SYTL2: variants seen among roughly 807,000 people sequenced by gnomAD.
SYTL2 encodes synaptotagmin like 2.
SYTL2 carries 165 observed loss-of-function variants against 198.7 expected under a neutral mutation model. The ratio of observed to expected loss-of-function variants is 0.83; its 90% CI spans 0.73 to 0.94. The LOEUF (loss-of-function observed/expected upper bound fraction) is 0.94, where lower values mean the gene tolerates loss of function less well. Ranked by LOEUF, SYTL2 falls within the 40% of genes least tolerant of loss-of-function variation. The pLI is 0.00. For synonymous variants in SYTL2, 966 were observed against 917.7 expected (o/e 1.05, Z -0.95); for missense variants, 2,835 against 2,582.8 (o/e 1.10, Z -2.12).
At chr11:85,733,416 T>C (rs2089998782) in intron 7 of SYTL2, among the ~76,000 whole-genome samples, 1 of 152,162 alleles carries the variant, frequency 6.6e-6, no homozygotes, top group Admixed American at 6.5e-5. Flanking sequence ...CCAGAAACTG[T>C]GCTATCCTGG....
At chr11:85,789,577 T>C (rs569444134) in intron 1 of SYTL2, among the ~76,000 whole-genome samples, 1 of 151,352 alleles carries the variant, frequency 6.6e-6, no homozygotes, top group South Asian at 2.1e-4. Flanking sequence ...ATTCTCTTCC[T>C]TTTTGATACA....
intron 14 of SYTL2, 98 bp from the exon 15 acceptor site, chr11:85,707,629 T>C: frequency 1.3e-6 from 1 of 794,088 alleles, no homozygotes; most frequent in South Asian, 1.6e-5. Flanking sequence ...GCAGAAATAA[T>C]TATTTCATGA....
the SYTL2 span, among the ~76,000 whole-genome samples, chr11:85,834,467 T>A: frequency 2.3e-4 from 35 of 152,252 alleles, no homozygotes; most frequent in African/African-American, 8.2e-4. Context: ...AAAGCCCTTA[T>A]CTTAAAATGT....
At chr11:85,848,231 C>G in the SYTL2 span, among the ~76,000 whole-genome samples, 5 of 150,758 alleles carry the variant, frequency 3.3e-5, no homozygotes, top group South Asian at 1.1e-3. Context: ...AGAGCAAGAC[C>G]CTGACTCAAA....
At chr11:85,745,561 C>A in intron 4 of SYTL2, 76 bp downstream of exon 4, 1 of 1,517,912 alleles carries the variant, frequency 6.6e-7, no homozygotes, top group African/African-American at 1.4e-5. Context: ...GTACTCATAG[C>A]CTGCCATTCT....
intron 13 of SYTL2, among the ~76,000 whole-genome samples, 178 bp downstream of exon 13, chr11:85,710,935 C>T (rs2086150560): frequency 6.6e-6 from 1 of 151,846 alleles, no homozygotes; most frequent in Non-Finnish European, 1.5e-5. Flanking sequence ...TGGATATGAA[C>T]CCCGTTAGTC....
In SYTL2 at chr11:85,724,972, G is replaced by A; in HGVS notation, c.4386C>T (p.Ser1462=). Residue 1462 remains serine, a synonymous_variant, in exon 8 of 20, where the codon AGC becomes AGT. Coordinates refer to ENST00000359152, the MANE Select transcript of SYTL2 (RefSeq NM_206927.4). Reference sequence around the variant, plus strand: ...ATTGAGCAACAATGGAAGCAAATGAGCTAAGCGTCTGGTCTGATGGAGACA... The same window carrying A: ...ATTGAGCAACAATGGAAGCAAATGAACTAAGCGTCTGGTCTGATGGAGACA... The part of the protein sequence containing the change: ...AQMSPSDQTL[S]SFASIVAQYG... 6.2e-7 allele frequency: 1 copy of A among 1,613,802 alleles called. No homozygotes were observed. Among genetic ancestry groups the A allele is most frequent in the Non-Finnish European group, 8.5e-7 (1 of 1,179,846 alleles).
Position 85,707,459 on chromosome 11 carries a change from G to A in SYTL2, c.5988C>T (p.Thr1996=). The change falls in exon 15 of 20, where the codon ACC becomes ACT. Residue 1996 remains threonine (T), a synonymous_variant. Transcript: ENST00000359152. ...GTATTTCGTTATACACAGGATTCAA[G>A]GTTTTCTTCACTACGAGTGTTTTCT... The part of the protein sequence containing the change: ...GKKKTLVVKK[T]LNPVYNEILR... The A allele has an allele frequency of 6.2e-7, 1 of 1,613,838 alleles. No homozygotes were observed.
chr11:85,842,630 T>G, the SYTL2 span, among the ~76,000 whole-genome samples: 41 of 152,334 alleles, frequency 2.7e-4, no homozygotes, highest in South Asian at 1.0e-3. Flanking sequence ...AGGGTGTTTT[T>G]GGGGGAACCC....
At chr11:85,810,069 G>A (rs1378235857) in intron 1 of SYTL2, among the ~76,000 whole-genome samples, 1 of 152,092 alleles carries the variant, frequency 6.6e-6, no homozygotes, top group Non-Finnish European at 1.5e-5. Context: ...CACCTTCCAG[G>A]GTCTATCTGT....
the SYTL2 span, among the ~76,000 whole-genome samples, chr11:85,846,298 T>A: frequency 6.6e-6 from 1 of 152,118 alleles, no homozygotes; most frequent in Admixed American, 6.5e-5. Context: ...TAACACAGAG[T>A]CATTTCCATA....
At chr11:85,752,897 T>G (rs2091602050) in intron 2 of SYTL2, among the ~76,000 whole-genome samples, 1 of 113,204 alleles carries the variant, frequency 8.8e-6, no homozygotes. Context: ...AATTAGTCCT[T>G]CAATGACAAC....
At chr11:85,785,348 G>C (rs2153609778) in intron 1 of SYTL2, among the ~76,000 whole-genome samples, 1 of 152,330 alleles carries the variant, frequency 6.6e-6, no homozygotes, top group African/African-American at 2.4e-5. Context: ...ACCCAGGACA[G>C]CCAGAAATGA....
At chr11:85,819,541 C>T in the SYTL2 span, among the ~76,000 whole-genome samples, 1 of 152,220 alleles carries the variant, frequency 6.6e-6, no homozygotes. Context: ...AAGCTTTTCA[C>T]ATGGCTGCTG....
chr11:85,701,399 C>T (rs546588338), intron 16 of SYTL2, among the ~76,000 whole-genome samples: 2 of 152,268 alleles, frequency 1.3e-5, no homozygotes, highest in African/African-American at 2.4e-5. Flanking sequence ...GGCATCATAT[C>T]GGCACTCAAA....
chr11:85,779,465 A>C (rs1055736688), intron 1 of SYTL2, among the ~76,000 whole-genome samples: 4 of 152,218 alleles, frequency 2.6e-5, no homozygotes, highest in African/African-American at 9.6e-5. Flanking sequence ...GGGTTCAGAG[A>C]AGCAGAATAA....
chr11:85,711,272 G>C, intron 12 of SYTL2, 40 bp from the exon 13 acceptor site: 1 of 1,597,240 alleles, frequency 6.3e-7, no homozygotes, highest in Non-Finnish European at 8.5e-7. Context: ...TTTAAATTCA[G>C]AATGAGTCAA....
intron 2 of SYTL2, among the ~76,000 whole-genome samples, chr11:85,751,916 G>A (rs934970177): frequency 6.6e-6 from 1 of 152,154 alleles, no homozygotes; most frequent in Non-Finnish European, 1.5e-5. Context: ...CTTCAAATTG[G>A]ACATTAAAAA....
Position 85,726,013 on chromosome 11 carries a change from T to C in SYTL2, c.3345A>G (p.Gln1115=), listed in dbSNP as rs773872552. ...EEKDYSEQEI[Q]ESIIKTNVLS... ...AAACATTGGTTTTTATTATGGATTC[T>C]TGAATCTCTTGTTCTGAGTAATCCT... Residue 1115 remains glutamine (Q), a synonymous_variant, in exon 8 of 20, where the codon CAA becomes CAG. Coordinates refer to ENST00000359152, the MANE Select transcript of SYTL2 (RefSeq NM_206927.4). 8.1e-6 allele frequency: 13 copies of C among 1,613,506 alleles called. No individual in the cohort carries two copies. The highest frequency in any genetic ancestry group is 6.7e-5 in the Admixed American group (4 of 59,882).
Sources: gnomAD v4.1 joint callset for allele counts (sites outside exome capture counted in the v4.1 genomes callset) on GRCh38, gnomAD v4.1.1 for gene constraint, MANE v1.5 for transcripts, NCBI Gene and HGNC (gene_info 2026-07-23, HGNC 2026-07-21) for gene names.